Variants in ACYP2 observed in about 807,000 individuals in gnomAD.
ACYP2 encodes the protein acylphosphatase 2, also known as acylphosphatase-2.
A neutral mutation model predicts 11.2 loss-of-function variants in ACYP2; 12 were observed. The ratio of observed to expected loss-of-function variants is 1.08; its 90% CI spans 0.69 to 1.74. ACYP2 has a LOEUF of 1.74. Among genes scored for constraint, ACYP2 ranks in the 40% most tolerant of loss-of-function variants. The pLI is 0.00. For synonymous variants in ACYP2, 43 were observed against 32.2 expected (o/e 1.33, Z -1.13); for missense variants, 134 against 101.9 (o/e 1.31, Z -1.35).
intron 6 of ACYP2, among the ~76,000 whole-genome samples, chr2:54,221,903 C>T (rs1685816565): frequency 6.6e-6 from 1 of 152,134 alleles, no homozygotes; most frequent in African/African-American, 2.4e-5. Context: ...CTGGCTGGCA[C>T]TACAAGTAAT....
chr2:54,299,172 A>C (rs1485258435), intron 6 of ACYP2, among the ~76,000 whole-genome samples: 2 of 152,224 alleles, frequency 1.3e-5, no homozygotes, highest in African/African-American at 4.8e-5. Flanking sequence ...TTTAAAGCAC[A>C]CATAACCAGA....
chr2:54,183,992 CA>C (rs989380186), intron 6 of ACYP2, among the ~76,000 whole-genome samples: 1 of 152,008 alleles, frequency 6.6e-6, no homozygotes, highest in African/African-American at 2.4e-5. Flanking sequence ...AATTGGAAAC[CA>C]AAGAGAAGCA....
At chr2:54,075,278 C>G (rs1156383016) in intron 4 of ACYP2, among the ~76,000 whole-genome samples, 1 of 152,070 alleles carries the variant, frequency 6.6e-6, no homozygotes, top group Non-Finnish European at 1.5e-5. Context: ...GAGGGTAAAT[C>G]GCTTCAGCTC....
intron 6 of ACYP2, among the ~76,000 whole-genome samples, chr2:54,146,343 A>C (rs1443233328): frequency 6.6e-6 from 1 of 152,096 alleles, no homozygotes; most frequent in East Asian, 1.9e-4. Flanking sequence ...TTTGCTGTAA[A>C]TGCACTTGGA....
At chr2:54,135,374 G>C in intron 4 of ACYP2, 79 bp from the exon 2 acceptor site, 1 of 1,393,490 alleles carries the variant, frequency 7.2e-7, no homozygotes, top group Non-Finnish European at 1.0e-6. Flanking sequence ...GGACCACCTA[G>C]ATAAAAGTTA....
chr2:54,155,481 C>T (rs1411295483), intron 6 of ACYP2, among the ~76,000 whole-genome samples: 1 of 152,154 alleles, frequency 6.6e-6, no homozygotes, highest in Non-Finnish European at 1.5e-5. Context: ...AGTGGCAGTA[C>T]CACCTGAGCT....
At chr2:54,114,767 C>T (rs1211226605) in intron 4 of ACYP2, among the ~76,000 whole-genome samples, 1 of 152,160 alleles carries the variant, frequency 6.6e-6, no homozygotes, top group South Asian at 2.1e-4. Context: ...TTGTCTGTTT[C>T]CACTAGCATA....
intron 2 of ACYP2, among the ~76,000 whole-genome samples, chr2:54,032,143 TG>T (rs1674617644): frequency 6.6e-6 from 1 of 152,236 alleles, no homozygotes; most frequent in African/African-American, 2.4e-5. Flanking sequence ...AGATCCCATT[TG>T]TCTATTTTGG....
At chr2:54,206,822 C>T (rs1685088207) in intron 6 of ACYP2, among the ~76,000 whole-genome samples, 3 of 152,162 alleles carry the variant, frequency 2.0e-5, no homozygotes, top group African/African-American at 7.2e-5. Flanking sequence ...AGGGAACTTT[C>T]GTGGGTTCCA....
intron 6 of ACYP2, among the ~76,000 whole-genome samples, chr2:54,202,836 C>T (rs1277874631): frequency 1.4e-5 from 2 of 146,950 alleles, no homozygotes; most frequent in Non-Finnish European, 1.5e-5. Context: ...AGGTGAACAC[C>T]ACTGTGCCTG....
intron 6 of ACYP2, among the ~76,000 whole-genome samples, chr2:54,164,170 G>A (rs961622182): frequency 3.3e-5 from 5 of 152,162 alleles, no homozygotes; most frequent in Non-Finnish European, 5.9e-5. Context: ...GGAGAGGGAA[G>A]GTGGGGGAAT....
chr2:54,270,882 G>GT (rs1451859106), intron 6 of ACYP2, among the ~76,000 whole-genome samples: 2 of 151,670 alleles, frequency 1.3e-5, no homozygotes, highest in African/African-American at 4.9e-5. Context: ...GGTGAACATT[G>GT]TTTTTCTGTA....
intron 4 of ACYP2, among the ~76,000 whole-genome samples, chr2:54,079,583 C>T (rs1238802107): frequency 6.6e-6 from 1 of 152,170 alleles, no homozygotes; most frequent in South Asian, 2.1e-4. Flanking sequence ...TAGGGTGATG[C>T]TGACATCACA....
At chr2:54,292,669 TACACACAC>T (rs3071218) in intron 6 of ACYP2, among the ~76,000 whole-genome samples, 28,263 of 148,916 alleles carry the variant, frequency 0.19, 2,804 homozygotes, top group Admixed American at 0.25. Flanking sequence ...TATATATGTA[TACACACAC>T]ACACACACAC....
intron 6 of ACYP2, among the ~76,000 whole-genome samples, chr2:54,228,958 T>C (rs995825264): frequency 1.3e-5 from 2 of 152,148 alleles, no homozygotes; most frequent in Non-Finnish European, 2.9e-5. Flanking sequence ...AGAGGCAGCA[T>C]TTCTTGACAA....
At chr2:54,159,857 A>G (rs1405062670) in intron 6 of ACYP2, among the ~76,000 whole-genome samples, 2 of 152,084 alleles carry the variant, frequency 1.3e-5, no homozygotes, top group Admixed American at 1.3e-4. Context: ...TTCCTCCCTG[A>G]GGACTTTTGC....
intron 6 of ACYP2, among the ~76,000 whole-genome samples, chr2:54,299,591 CAAAAAAAAAA>C (rs1213298753): frequency 1.3e-5 from 1 of 79,436 alleles, no homozygotes; most frequent in African/African-American, 3.7e-5. Flanking sequence ...GACTCTGTCT[CAAAAAAAAAA>C]AAAAAAAGAA....
chr2:54,138,609 C>G, intron 5 of ACYP2, 30 bp from the exon 3 acceptor site: 2 of 1,566,984 alleles, frequency 1.3e-6, no homozygotes, highest in East Asian at 2.2e-5. Flanking sequence ...TGATGCTGCA[C>G]TTTATTCTTC....
At chr2:54,098,751 C>T (rs530485971) in intron 4 of ACYP2, among the ~76,000 whole-genome samples, 1 of 140,818 alleles carries the variant, frequency 7.1e-6, no homozygotes, top group Non-Finnish European at 1.5e-5. Flanking sequence ...TTTCTAAAGA[C>T]AGGGTCTCAC....
Sources: allele counts gnomAD v4.1 joint callset (sites outside exome capture counted in the v4.1 genomes callset), GRCh38; gene constraint gnomAD v4.1.1; transcripts MANE v1.5; gene names NCBI Gene and HGNC (gene_info 2026-07-23, HGNC 2026-07-21).